Variants in PRAG1 observed in about 807,000 individuals in gnomAD.
The protein encoded by PRAG1 is inactive tyrosine-protein kinase PRAG1.
PRAG1 carries 110 observed loss-of-function variants against 95.6 expected under a neutral mutation model. The ratio of observed to expected loss-of-function variants is 1.15; its 90% CI spans 0.99 to 1.35. The LOEUF (loss-of-function observed/expected upper bound fraction) is 1.35, where lower values mean the gene tolerates loss of function less well. Ranked by LOEUF, PRAG1 falls within the 40% of genes most tolerant of loss-of-function variation. The probability of loss-of-function intolerance (pLI) is 0.00; values close to 1 mark genes in which losing one functional copy is unlikely to be tolerated. For missense variants in PRAG1, 2,554 were observed against 1,864.7 expected, an observed-to-expected ratio of 1.37 and a Z score of -6.81; for synonymous variants, 1,052 against 819.4, an observed-to-expected ratio of 1.28 and a Z score of -4.85.
At chr8:8,349,004 C>G (rs1334708075) in intron 3 of PRAG1, among the ~76,000 whole-genome samples, 1 of 152,122 alleles carries the variant, frequency 6.6e-6, no homozygotes, top group African/African-American at 2.4e-5. Context: ...ATTACACTTG[C>G]CCAGCAAAAC....
intron 3 of PRAG1, among the ~76,000 whole-genome samples, chr8:8,362,797 T>C (rs1368514763): frequency 6.6e-6 from 1 of 152,234 alleles, no homozygotes; most frequent in Non-Finnish European, 1.5e-5. Context: ...TGCTCTGTCC[T>C]ATCTCTACTG....
At chr8:8,322,403 A>G (rs916648248) in intron 5 of PRAG1, among the ~76,000 whole-genome samples, 39 of 152,244 alleles carry the variant, frequency 2.6e-4, no homozygotes, top group African/African-American at 9.4e-4. Context: ...GCTGGTCTCG[A>G]ACTCCTGACC....
chr8:8,340,858 G>C (rs977032444), intron 3 of PRAG1, among the ~76,000 whole-genome samples: 3 of 152,152 alleles, frequency 2.0e-5, no homozygotes, highest in Non-Finnish European at 2.9e-5. Context: ...AAATGTGACA[G>C]TGAAGGCAAC....
intron 3 of PRAG1, among the ~76,000 whole-genome samples, chr8:8,350,428 T>C (rs1260887900): frequency 2.6e-5 from 4 of 152,100 alleles, no homozygotes; most frequent in African/African-American, 9.7e-5. Context: ...AGGAGGAAAC[T>C]CACATCTGTT....
At chr8:8,324,260 G>A (rs913335242) in intron 5 of PRAG1, among the ~76,000 whole-genome samples, 2 of 152,216 alleles carry the variant, frequency 1.3e-5, no homozygotes, top group Non-Finnish European at 2.9e-5. Flanking sequence ...TCAGGGGTAT[G>A]AAAAGCCTGG....
At chr8:8,337,102 T>G (rs1165700124) in intron 4 of PRAG1, among the ~76,000 whole-genome samples, 1 of 152,214 alleles carries the variant, frequency 6.6e-6, no homozygotes, top group African/African-American at 2.4e-5. Context: ...TAGCAGATTC[T>G]TACTGACAAA....
intron 3 of PRAG1, among the ~76,000 whole-genome samples, chr8:8,371,291 C>G (rs73184345): frequency 6.6e-6 from 1 of 151,400 alleles, no homozygotes; most frequent in East Asian, 2.0e-4. Context: ...GGTGGAGTCT[C>G]GCTCTGTCGC....
chr8:8,366,097 T>A (rs1325615945), intron 3 of PRAG1, among the ~76,000 whole-genome samples: 1 of 152,118 alleles, frequency 6.6e-6, no homozygotes, highest in African/African-American at 2.4e-5. Flanking sequence ...CTTTAAATAA[T>A]GGGTAATAAA....
In PRAG1 at chr8:8,381,792, G is replaced by C. The variant is rs1800684258; in HGVS notation, c.-45C>G. 1 of 1,479,806 alleles carries C rather than the reference G, an allele frequency of 6.8e-7. No homozygotes were observed. The highest frequency in any genetic ancestry group is 2.4e-5 in the East Asian group (1 of 41,504). 91.7% of individuals were successfully genotyped at this position (1,479,806 alleles called of 1,614,324 possible). ...GGTTCATCTTGCGCCCGGCTCTCTG[G>C]TGCAGTTTTGTGGGATTCAGAGGTG... On this transcript the variant is annotated 5_prime_UTR_variant, in exon 2 of 6. Coordinates refer to ENST00000615670, the MANE Select transcript of PRAG1 (RefSeq NM_001080826.3).
At chr8:8,349,323 C>T (rs1799445393) in intron 3 of PRAG1, among the ~76,000 whole-genome samples, 1 of 151,876 alleles carries the variant, frequency 6.6e-6, no homozygotes, top group South Asian at 2.1e-4. Flanking sequence ...CTCTGTCACC[C>T]AGGCTGGAGT....
intron 3 of PRAG1, among the ~76,000 whole-genome samples, chr8:8,355,293 G>A (rs1041191409): frequency 2.6e-5 from 4 of 152,124 alleles, no homozygotes; most frequent in Non-Finnish European, 5.9e-5. Flanking sequence ...TATATACCAT[G>A]TTCATGGATC....
chr8:8,318,423 T>G lies in PRAG1; in HGVS notation c.3952A>C (p.Ile1318Leu), dbSNP rs1338523932. 6.2e-7 allele frequency: 1 copy of G among 1,613,016 alleles called. No homozygotes were observed. Among genetic ancestry groups the G allele is most frequent in the East Asian group, 2.2e-5 (1 of 44,874 alleles). Reference sequence around the variant, plus strand: ...TGCAGCACGCGCTTGGCCTCGCCGATGCGGATACGCTTGATGGGGTCGGCC... The same window carrying G: ...TGCAGCACGCGCTTGGCCTCGCCGAGGCGGATACGCTTGATGGGGTCGGCC... ...LEADPIKRIR[I>L]GEAKRVLQCL... The change falls in exon 6 of 6, where the codon ATC (isoleucine) becomes CTC (leucine). Residue 1318 changes from isoleucine (I) to leucine (L), a missense_variant. Transcript: ENST00000615670. This position sits in a 1 kb window ranked among gnomAD's most constrained non-coding sequence, Gnocchi z 4.2.
intron 3 of PRAG1, among the ~76,000 whole-genome samples, chr8:8,346,699 G>A (rs935881784): frequency 3.9e-5 from 6 of 152,152 alleles, no homozygotes; most frequent in South Asian, 2.1e-4. Flanking sequence ...TAACGGATGC[G>A]GGGCCCCAGT....
At position 8,328,311 on chromosome 8, in the gene PRAG1, G is replaced by A. The variant is rs1360372754; in HGVS notation, c.2471C>T (p.Ala824Val). Residue 824 changes from alanine (A) to valine (V), a missense_variant, in exon 5 of 6, where the codon GCA (alanine) becomes GTA (valine). By Grantham distance (64) the Ala-to-Val change is moderately conservative. Transcript: ENST00000615670. ...GAAGAAGCCATCCGGTGAAGAGGCTGCCCGGCTCACTATCTTTTTCTGGGG... is the reference window on the plus strand; with the variant it reads ...GAAGAAGCCATCCGGTGAAGAGGCTACCCGGCTCACTATCTTTTTCTGGGG... ...PLPQKKIVSR[A>V]ASSPDGFFWT... 4 of 1,613,802 alleles carry A rather than the reference G, an allele frequency of 2.5e-6. No homozygotes were observed. Among genetic ancestry groups the A allele is most frequent in the Non-Finnish European group, 3.4e-6 (4 of 1,179,878 alleles).
intron 1 of PRAG1, among the ~76,000 whole-genome samples, chr8:8,384,323 G>C (rs1438264273): frequency 1.3e-5 from 2 of 152,084 alleles, no homozygotes; most frequent in East Asian, 3.9e-4. Context: ...AGGGAGTGTG[G>C]AAGGATCTGG....
At chr8:8,382,728 C>A (rs971808189) in intron 1 of PRAG1, among the ~76,000 whole-genome samples, 1 of 152,204 alleles carries the variant, frequency 6.6e-6, no homozygotes, top group East Asian at 1.9e-4. Flanking sequence ...AAATTCACCA[C>A]TGAGAAGGAG....
intron 3 of PRAG1, among the ~76,000 whole-genome samples, chr8:8,345,748 T>C (rs1026750214): frequency 1.3e-5 from 2 of 152,136 alleles, no homozygotes. Context: ...TGAGCTGAGA[T>C]GGCACCACTG....
chr8:8,325,226 C>T (rs1371956271), intron 5 of PRAG1, among the ~76,000 whole-genome samples: 2 of 152,196 alleles, frequency 1.3e-5, no homozygotes, highest in African/African-American at 2.4e-5. Context: ...AGGGCCCCCA[C>T]GGCCCGCCCC....
At chr8:8,332,801 C>T (rs1416445338) in intron 4 of PRAG1, among the ~76,000 whole-genome samples, 1 of 152,172 alleles carries the variant, frequency 6.6e-6, no homozygotes, top group Non-Finnish European at 1.5e-5. Flanking sequence ...AAAGGCACTC[C>T]TAAAGACCTC....
Sources: gnomAD v4.1 joint callset for allele counts (sites outside exome capture counted in the v4.1 genomes callset) on GRCh38, gnomAD v4.1.1 for gene constraint, Gnocchi (gnomAD v3.1) non-coding constraint, MANE v1.5 for transcripts, NCBI Gene and HGNC (gene_info 2026-07-23, HGNC 2026-07-21) for gene names.